AGK: variants seen among roughly 807,000 people sequenced by gnomAD.
AGK encodes acylglycerol kinase, mitochondrial.
A neutral mutation model predicts 66.4 loss-of-function variants in AGK; 52 were observed. The observed-to-expected ratio is 0.78, with a 90% CI of 0.63 to 0.99. The LOEUF is 0.99. Ranked by LOEUF, AGK falls within the 50% of genes least tolerant of loss-of-function variation. AGK has a pLI of 0.00. For synonymous variants in AGK, 182 were observed against 181.1 expected, an observed-to-expected ratio of 1.00 and a Z score of -0.04; for missense variants, 451 against 506.6, an observed-to-expected ratio of 0.89 and a Z score of 1.05.
At chr7:141,566,490 G>C (rs974107665) in intron 2 of AGK, among the ~76,000 whole-genome samples, 3 of 152,202 alleles carry the variant, frequency 2.0e-5, no homozygotes, top group Admixed American at 2.0e-4. Flanking sequence ...AACCTAGGCT[G>C]TTGAGTCCTT....
At chr7:141,567,513 T>C (rs1795499391) in intron 2 of AGK, among the ~76,000 whole-genome samples, 1 of 152,192 alleles carries the variant, frequency 6.6e-6, no homozygotes, top group Non-Finnish European at 1.5e-5. Context: ...GTCTGTGATA[T>C]TTTTCCCCTC....
At chr7:141,586,493 C>T (rs1224112226) in intron 2 of AGK, among the ~76,000 whole-genome samples, 1 of 152,092 alleles carries the variant, frequency 6.6e-6, no homozygotes, top group Non-Finnish European at 1.5e-5. Context: ...TTACCAAGTA[C>T]CCTCTATCTA....
chr7:141,566,327 G>C (rs1008653887), intron 2 of AGK, among the ~76,000 whole-genome samples: 2 of 152,196 alleles, frequency 1.3e-5, no homozygotes, highest in African/African-American at 4.8e-5. Flanking sequence ...CAGGGGTGCT[G>C]TTTGTCTTGC....
intron 9 of AGK, among the ~76,000 whole-genome samples, chr7:141,625,160 C>T (rs556208674): frequency 7.2e-5 from 11 of 152,168 alleles, no homozygotes; most frequent in Admixed American, 5.9e-4. Context: ...GTTGCACACT[C>T]AATAGACTAT....
At chr7:141,615,651 GT>G in intron 8 of AGK, 86 bp downstream of exon 8, 1 of 1,061,054 alleles carries the variant, frequency 9.4e-7, no homozygotes, top group Non-Finnish European at 1.5e-6. Context: ...ACTTTCTTGA[GT>G]TTTGATAGCC....
At position 141,579,308 on chromosome 7, in the gene AGK, G is replaced by A. The variant is rs146371109; in HGVS notation, c.102-13838G>A. Among the ~76,000 whole-genome samples, 27 of 152,192 alleles carry A rather than the reference G, an allele frequency of 1.8e-4. No individual in the cohort carries two copies. In the East Asian group the frequency reaches 2.9e-3, roughly 16 times the overall value. ...CTACCTTTTCTGAAGATTGAGGAAG[G>A]TAAGGGGTATGAGGGTTTCACTGAA... On this transcript the variant is annotated intron_variant, in intron 2 of 15. Transcript: ENST00000649286.
At chr7:141,553,766 A>G (rs1562956020) in intron 1 of AGK, among the ~76,000 whole-genome samples, 1 of 152,200 alleles carries the variant, frequency 6.6e-6, no homozygotes, top group Non-Finnish European at 1.5e-5. Context: ...TCTCCCTGGC[A>G]CTGGCTTCAC....
At chr7:141,588,327 C>G (rs1412161102) in intron 2 of AGK, among the ~76,000 whole-genome samples, 1 of 152,126 alleles carries the variant, frequency 6.6e-6, no homozygotes, top group Middle Eastern at 3.2e-3. Context: ...GAAGTGAAAG[C>G]AAGTTTATTA....
intron 2 of AGK, among the ~76,000 whole-genome samples, chr7:141,582,066 C>A (rs888698443): frequency 1.3e-5 from 2 of 152,038 alleles, no homozygotes; most frequent in African/African-American, 4.8e-5. Flanking sequence ...GCTTCCGAGG[C>A]AACTGGACAG....
chr7:141,648,034 T>C (rs1797460104), intron 13 of AGK, among the ~76,000 whole-genome samples: 1 of 152,158 alleles, frequency 6.6e-6, no homozygotes, highest in Admixed American at 6.5e-5. Flanking sequence ...TGCTCTACAG[T>C]GGCACCTGCT....
intron 8 of AGK, among the ~76,000 whole-genome samples, chr7:141,619,597 T>A (rs541201021): frequency 5.3e-5 from 8 of 151,666 alleles, no homozygotes; most frequent in African/African-American, 1.9e-4. Flanking sequence ...TAGAAGAAAA[T>A]CTTTAGTCAT....
Position 141,611,228 on chromosome 7 carries a change from G to A in AGK, c.331G>A (p.Glu111Lys), listed in dbSNP as rs145805257. 5.0e-6 allele frequency: 8 copies of A among 1,613,376 alleles called. No individual in the cohort carries two copies. The African/African-American group carries it at 1.1e-4, about 22-fold the overall frequency. ...DYEGQAKKLLELMENTDVIIV... is the reference protein window; with the variant it reads ...DYEGQAKKLLKLMENTDVIIV... The stretch of plus-strand genomic sequence containing the variant: ...TGAGGGACAAGCCAAGAAACTCCTG[G>A]AACTGATGGAAAACACGGATGTGAT... The change falls in exon 6 of 16, where the codon GAA (glutamate) becomes AAA (lysine). Residue 111 changes from glutamate (E) to lysine (K), a missense_variant. Physicochemically the swap from Glu to Lys is moderately conservative, Grantham distance 56. Transcript: ENST00000649286.
At chr7:141,621,848 G>A (rs371727300) in intron 9 of AGK, 47 bp downstream of exon 9, 112 of 1,359,662 alleles carry the variant, frequency 8.2e-5, no homozygotes, top group Non-Finnish European at 1.1e-4. Flanking sequence ...AGTAATACTC[G>A]CTTACATGTT....
At chr7:141,629,412 G>C (rs1420130082) in intron 9 of AGK, among the ~76,000 whole-genome samples, 1 of 152,056 alleles carries the variant, frequency 6.6e-6, no homozygotes, top group Admixed American at 6.6e-5. Context: ...TTTGTTTACT[G>C]ACCCAACCAT....
intron 7 of AGK, among the ~76,000 whole-genome samples, chr7:141,614,537 G>T (rs894955320): frequency 2.0e-5 from 3 of 150,290 alleles, no homozygotes; most frequent in Non-Finnish European, 3.0e-5. Context: ...TATCTACATG[G>T]CTAAATCTCA....
chr7:141,560,521 A>G (rs1040310524), intron 2 of AGK, among the ~76,000 whole-genome samples: 1 of 151,542 alleles, frequency 6.6e-6, no homozygotes, highest in African/African-American at 2.4e-5. Flanking sequence ...TTACATAGAT[A>G]AGTTCTTTAG....
At chr7:141,644,960 A>G (rs1261472441) in intron 13 of AGK, among the ~76,000 whole-genome samples, 5 of 151,526 alleles carry the variant, frequency 3.3e-5, no homozygotes, top group Admixed American at 3.3e-4. Context: ...TTATACTAAT[A>G]CTCTGCTTCT....
At chr7:141,647,421 C>T (rs1797442706) in intron 13 of AGK, among the ~76,000 whole-genome samples, 2 of 152,192 alleles carry the variant, frequency 1.3e-5, no homozygotes, top group South Asian at 4.1e-4. Flanking sequence ...GCTCCAGCTA[C>T]ACGGGCTTCC....
At chr7:141,645,682 C>T (rs113385008) in intron 13 of AGK, among the ~76,000 whole-genome samples, 2,390 of 151,994 alleles carry the variant, frequency 0.016, 31 homozygotes, top group Non-Finnish European at 0.022. Context: ...TTATAGACAC[C>T]CTTTATCAGA....
Sources: gnomAD v4.1 joint callset for allele counts (sites outside exome capture counted in the v4.1 genomes callset) on GRCh38, gnomAD v4.1.1 for gene constraint, MANE v1.5 for transcripts, NCBI Gene and HGNC (gene_info 2026-07-23, HGNC 2026-07-21) for gene names.